DOCK3: variants seen among roughly 807,000 people sequenced by gnomAD.
The protein encoded by DOCK3 is dedicator of cytokinesis 3.
DOCK3 carries 60 observed loss-of-function variants against 265.6 expected under a neutral mutation model. That is an observed-to-expected ratio of 0.23 (90% CI 0.18 to 0.28). The LOEUF (loss-of-function observed/expected upper bound fraction) is 0.28, where lower values mean the gene tolerates loss of function less well. Ranked by LOEUF, DOCK3 falls within the 10% of genes least tolerant of loss-of-function variation. The pLI, the probability that DOCK3 is intolerant of heterozygous loss-of-function variation, is 1.00. For synonymous variants in DOCK3, 881 were observed against 938.0 expected, an observed-to-expected ratio of 0.94 and a Z score of 1.11; for missense variants, 1,981 against 2,594.3, an observed-to-expected ratio of 0.76 and a Z score of 5.14.
chr3:51,322,621 C>G (rs1466242507), intron 32 of DOCK3, among the ~76,000 whole-genome samples: 1 of 152,088 alleles, frequency 6.6e-6, no homozygotes, highest in Non-Finnish European at 1.5e-5. Flanking sequence ...TTGTCACCAC[C>G]AGGCCTGCCT....
chr3:51,211,591 T>C (rs1260920766), intron 13 of DOCK3, among the ~76,000 whole-genome samples: 2 of 135,454 alleles, frequency 1.5e-5, no homozygotes, highest in African/African-American at 5.7e-5. Flanking sequence ...ATTTCCCACC[T>C]ATGAGTGAGA....
chr3:51,240,625 G>C (rs2078569424), intron 21 of DOCK3, among the ~76,000 whole-genome samples: 1 of 152,126 alleles, frequency 6.6e-6, no homozygotes, highest in South Asian at 2.1e-4. Context: ...CCTGTGTTGG[G>C]TGCATATATA....
At chr3:50,794,364 C>T (rs548910347) in intron 2 of DOCK3, among the ~76,000 whole-genome samples, 11 of 152,258 alleles carry the variant, frequency 7.2e-5, no homozygotes, top group African/African-American at 2.6e-4. Context: ...GTGTGGGAGT[C>T]TGTGTCTCTT....
chr3:51,343,599 G>C (rs1279469300), intron 38 of DOCK3, among the ~76,000 whole-genome samples: 1 of 152,228 alleles, frequency 6.6e-6, no homozygotes, highest in Non-Finnish European at 1.5e-5. Flanking sequence ...TTTGCTTTCT[G>C]CCTGAAGGAG....
At chr3:51,214,327 C>G in intron 14 of DOCK3, 80 bp downstream of exon 14, 1 of 1,562,006 alleles carries the variant, frequency 6.4e-7, no homozygotes, top group Non-Finnish European at 8.7e-7. Context: ...AGGTGGTGAA[C>G]TGTGCTATGG....
At chr3:50,738,410 A>G (rs1312664146) in intron 1 of DOCK3, among the ~76,000 whole-genome samples, 1 of 152,154 alleles carries the variant, frequency 6.6e-6, no homozygotes, top group African/African-American at 2.4e-5. Context: ...GCCTGAGTCC[A>G]TGGGAGCTGA....
At chr3:51,109,681 T>C (rs1374826357) in intron 9 of DOCK3, among the ~76,000 whole-genome samples, 2 of 152,114 alleles carry the variant, frequency 1.3e-5, no homozygotes, top group Non-Finnish European at 2.9e-5. Context: ...CCCAGTACTT[T>C]GGGAGGCCAA....
At chr3:51,139,873 A>G (rs549659433) in intron 9 of DOCK3, among the ~76,000 whole-genome samples, 1 of 152,302 alleles carries the variant, frequency 6.6e-6, no homozygotes, top group East Asian at 1.9e-4. Flanking sequence ...CAAAGGTCCT[A>G]AGGCAAGAAT....
chr3:50,970,099 A>G (rs2077154471), intron 5 of DOCK3, among the ~76,000 whole-genome samples: 2 of 152,164 alleles, frequency 1.3e-5, no homozygotes, highest in African/African-American at 4.8e-5. Flanking sequence ...AAAAGAAAAG[A>G]AAAAAACTAT....
At chr3:51,327,122 C>T (rs558198850) in intron 32 of DOCK3, among the ~76,000 whole-genome samples, 6 of 152,222 alleles carry the variant, frequency 3.9e-5, no homozygotes, top group Non-Finnish European at 5.9e-5. Context: ...AAGCAATCAC[C>T]GTGCTGAGCC....
intron 12 of DOCK3, among the ~76,000 whole-genome samples, chr3:51,200,245 G>A (rs1487370673): frequency 1.3e-5 from 2 of 151,534 alleles, no homozygotes; most frequent in African/African-American, 2.4e-5. Context: ...AGCTACAGGA[G>A]GAAATTCAAA....
At chr3:50,855,402 TTGTG>T (rs1455298675) in intron 3 of DOCK3, among the ~76,000 whole-genome samples, 1 of 152,090 alleles carries the variant, frequency 6.6e-6, no homozygotes, top group Non-Finnish European at 1.5e-5. Context: ...TTGTGTTGTG[TTGTG>T]TTTTATTTTT....
rs993537950 is a variant in DOCK3 at position 50,887,848 on chromosome 3, C to T, written c.163-2178C>T. Among the ~76,000 whole-genome samples the T allele has an allele frequency of 8.0e-4, 120 of 150,222 alleles. 1 individual carries two copies. The highest frequency in any genetic ancestry group is 1.5e-4 in the Non-Finnish European group (10 of 67,492). Reference sequence around the variant, plus strand: ...GCTAAAAACACTCAATAAACTATACCGATTGAACGTATCTCAAAATAATAA... The same window carrying T: ...GCTAAAAACACTCAATAAACTATACTGATTGAACGTATCTCAAAATAATAA... On this transcript the variant is annotated intron_variant, in intron 3 of 52. Transcript: ENST00000266037.
intron 2 of DOCK3, among the ~76,000 whole-genome samples, chr3:50,782,376 C>T (rs1198031986): frequency 4.1e-5 from 6 of 146,604 alleles, no homozygotes; most frequent in East Asian, 2.1e-4. Context: ...CTGCAAGCTC[C>T]GCCTCCCGGG....
At chr3:51,301,830 TGAG>T (rs1442201283) in intron 27 of DOCK3, among the ~76,000 whole-genome samples, 2 of 152,198 alleles carry the variant, frequency 1.3e-5, no homozygotes, top group African/African-American at 4.8e-5. Flanking sequence ...TTGCATTCAC[TGAG>T]GAGTGTTTTA....
intron 1 of DOCK3, among the ~76,000 whole-genome samples, chr3:50,686,092 A>T (rs1254921843): frequency 1.3e-5 from 2 of 152,092 alleles, no homozygotes; most frequent in Non-Finnish European, 2.9e-5. Context: ...ACATTGTAAT[A>T]TATAATGAAA....
chr3:51,161,780 G>A (rs1031451639), intron 12 of DOCK3, among the ~76,000 whole-genome samples: 3 of 152,088 alleles, frequency 2.0e-5, no homozygotes, highest in Non-Finnish European at 2.9e-5. Flanking sequence ...ATCATGAGTC[G>A]AATTTCTCTA....
At chr3:50,694,971 G>C (rs7615703) in intron 1 of DOCK3, among the ~76,000 whole-genome samples, 1 of 152,168 alleles carries the variant, frequency 6.6e-6, no homozygotes, top group Non-Finnish European at 1.5e-5. Flanking sequence ...GGGCAGGCTA[G>C]TAACTAAGCC....
chr3:51,050,133 C>T (rs546029335), intron 5 of DOCK3, among the ~76,000 whole-genome samples: 1 of 152,220 alleles, frequency 6.6e-6, no homozygotes, highest in East Asian at 1.9e-4. Context: ...CCTGTAATCC[C>T]TGCTACTCAG....
Sources: gnomAD v4.1 joint callset for allele counts (sites outside exome capture counted in the v4.1 genomes callset) on GRCh38, gnomAD v4.1.1 for gene constraint, MANE v1.5 for transcripts, NCBI Gene and HGNC (gene_info 2026-07-23, HGNC 2026-07-21) for gene names.